MYH13: variants seen among roughly 807,000 people sequenced by gnomAD.
MYH13 encodes the protein myosin-13.
A neutral mutation model predicts 232.1 loss-of-function variants in MYH13; 177 were observed. The observed-to-expected ratio is 0.76, with a 90% CI of 0.67 to 0.86. The LOEUF (loss-of-function observed/expected upper bound fraction) is 0.86. MYH13 is among the 40% of genes least tolerant of loss of function. The pLI is 0.00. For synonymous variants in MYH13, 884 were observed against 923.5 expected (o/e 0.96, Z 0.78); for missense variants, 2,246 against 2,405.9 (o/e 0.93, Z 1.39).
Position 10,328,126 on chromosome 17 carries a change from A to G in MYH13, c.2436-5T>C, listed in dbSNP as rs753565869. 3.1e-6 allele frequency: 5 copies of G among 1,613,302 alleles called. No homozygotes were observed. In the East Asian group the frequency reaches 1.1e-4, roughly 36 times the overall value. On this transcript the variant is annotated splice_polypyrimidine_tract_variant and splice_region_variant and intron_variant, in intron 21 of 40. Transcript: ENST00000252172. ...TGGATGCAGAAGATGGAGTCCCTGTACACCCATTAGGACTCAAATTAATAA... is the reference window on the plus strand; with the variant it reads ...TGGATGCAGAAGATGGAGTCCCTGTGCACCCATTAGGACTCAAATTAATAA...
intron 2 of MYH13, among the ~76,000 whole-genome samples, chr17:10,366,135 C>G (rs975540672): frequency 3.9e-5 from 6 of 152,086 alleles, no homozygotes; most frequent in African/African-American, 1.4e-4. Context: ...TCACTCCTGT[C>G]TAAGGTTCCC....
chr17:10,347,331 C>CT (rs1250857525), intron 12 of MYH13, among the ~76,000 whole-genome samples: 5 of 152,116 alleles, frequency 3.3e-5, no homozygotes, highest in Admixed American at 2.6e-4. Flanking sequence ...TGCCATTGAA[C>CT]TCCAGCCTGG....
chr17:10,328,589 GGAGAAACC>G (rs1405933370), intron 21 of MYH13, among the ~76,000 whole-genome samples: 1 of 152,024 alleles, frequency 6.6e-6, no homozygotes, highest in Non-Finnish European at 1.5e-5. Context: ...TCTTCCTGCT[GGAGAAACC>G]CAGGACTTGT....
intron 8 of MYH13, among the ~76,000 whole-genome samples, chr17:10,355,556 G>T (rs2071742718): frequency 6.6e-6 from 1 of 152,130 alleles, no homozygotes; most frequent in Non-Finnish European, 1.5e-5. Flanking sequence ...CCTCTCCTTG[G>T]CTCAGAAGGA....
At position 10,306,480 on chromosome 17, in the gene MYH13, C is replaced by A; in HGVS notation, c.5445G>T (p.Gln1815His). The change falls in exon 37 of 41, where the codon CAG becomes CAT. Residue 1815 changes from glutamine (Q) to histidine (H), a missense_variant. Physicochemically the swap from Gln to His is conservative, Grantham distance 24. Coordinates refer to ENST00000252172, the MANE Select transcript of MYH13 (RefSeq NM_003802.3). This position sits in a 1 kb window ranked among gnomAD's most constrained non-coding sequence, Gnocchi z 4.3. The stretch of plus-strand genomic sequence containing the variant: ...CTACCCGGTTCTCCAGTTTCTGGAT[C>A]TGCTTCTTCCCGCCCTTCAGCGCCA... ...EQLALKGGKK[Q>H]IQKLENRVRE... The A allele has an allele frequency of 1.2e-6, 2 of 1,614,136 alleles. No homozygotes were observed. The highest frequency in any genetic ancestry group is 1.7e-6 in the Non-Finnish European group (2 of 1,180,020).
chr17:10,317,862 T>G (rs1285934178), intron 27 of MYH13: 1 of 152,232 alleles, frequency 6.6e-6, no homozygotes, highest in Non-Finnish European at 1.5e-5. Flanking sequence ...AACTTGAGTC[T>G]TCAAGGTAAC....
intron 30 of MYH13, 139 bp downstream of exon 30, chr17:10,313,019 G>C: frequency 1.5e-6 from 2 of 1,365,852 alleles, no homozygotes; most frequent in Non-Finnish European, 2.0e-6. Flanking sequence ...GAGACCCCCA[G>C]AGGGTGGGGG....
At chr17:10,319,519 AAG>A (rs200293969) in intron 26 of MYH13, among the ~76,000 whole-genome samples, 1,246 of 119,892 alleles carry the variant, frequency 0.01, 31 homozygotes, top group Admixed American at 0.037. Context: ...AAAAAAAAAA[AAG>A]AAGAATACAT....
rs2071609002 is a variant in MYH13 at position 10,340,048 on chromosome 17, T to C, written c.2056+102A>G. 9.1e-6 allele frequency: 9 copies of C among 993,958 alleles called. No homozygotes were observed. In the East Asian group the frequency reaches 2.4e-4, roughly 26 times the overall value. 61.6% of individuals were successfully genotyped at this position (993,958 alleles called of 1,614,324 possible). A position where few individuals can be genotyped will look rare whatever the true frequency, so the allele number is the denominator to read the frequency against. On this transcript the variant is annotated intron_variant, in intron 18 of 40. Transcript: ENST00000252172. Reference sequence around the variant, plus strand: ...TTTCAGAGACTACTTTCAGAAGTGATACAGACCATCACTCTTTCCAAACGC... The same window carrying C: ...TTTCAGAGACTACTTTCAGAAGTGACACAGACCATCACTCTTTCCAAACGC...
rs111895847 is a variant in MYH13, at chr17:10,319,401, C to T, written c.3349-222G>A. ...GCGGGCGCCTGTAGTCCCAGCTACTCGGGAGGCCGAGGCAGGAGAATAGCT... is the reference window on the plus strand; with the variant it reads ...GCGGGCGCCTGTAGTCCCAGCTACTTGGGAGGCCGAGGCAGGAGAATAGCT... On this transcript the variant is annotated intron_variant, in intron 26 of 40. Coordinates refer to ENST00000252172, the MANE Select transcript of MYH13 (RefSeq NM_003802.3). Among the ~76,000 whole-genome samples, 20,143 of 151,164 alleles carry T rather than the reference C, an allele frequency of 0.13. 1,607 individuals are homozygous for T. The highest frequency in any genetic ancestry group is 0.31 in the East Asian group (1,594 of 5,086).
At chr17:10,322,782 C>CT (rs1431917822) in intron 23 of MYH13, among the ~76,000 whole-genome samples, 2 of 151,922 alleles carry the variant, frequency 1.3e-5, no homozygotes, top group African/African-American at 4.8e-5. Context: ...TACAGGCGTC[C>CT]GCCACCACGC....
intron 8 of MYH13, 25 bp downstream of exon 8, chr17:10,357,710 A>T: frequency 6.2e-7 from 1 of 1,602,888 alleles, no homozygotes; most frequent in Non-Finnish European, 8.5e-7. Context: ...TTGGGAGGAT[A>T]CTTGAAAATT....
intron 7 of MYH13, among the ~76,000 whole-genome samples, chr17:10,358,099 A>C (rs1038873013): frequency 3.9e-5 from 6 of 152,180 alleles, no homozygotes; most frequent in African/African-American, 1.4e-4. Flanking sequence ...CCATCAGAAC[A>C]TCCAGACTGC....
At chr17:10,353,679 A>G (rs895946008) in intron 11 of MYH13, among the ~76,000 whole-genome samples, 1 of 152,124 alleles carries the variant, frequency 6.6e-6, no homozygotes, top group Non-Finnish European at 1.5e-5. Context: ...AGCCTGGCCA[A>G]CATGGCGAAA....
At chr17:10,365,425 G>T (rs1232661399) in intron 2 of MYH13, among the ~76,000 whole-genome samples, 1 of 152,182 alleles carries the variant, frequency 6.6e-6, no homozygotes, top group African/African-American at 2.4e-5. Flanking sequence ...CCCCTTGAGG[G>T]GTTGTTAAAG....
At chr17:10,349,228 G>A (rs1443536754) in intron 12 of MYH13, among the ~76,000 whole-genome samples, 1 of 152,010 alleles carries the variant, frequency 6.6e-6, no homozygotes, top group Non-Finnish European at 1.5e-5. Context: ...TCAGTCTCCC[G>A]AGTAGCTGGG....
In MYH13 at chr17:10,351,177, T is replaced by C. The variant is rs182938125; in HGVS notation, c.1006-483A>G. 4.6e-3 allele frequency among the ~76,000 whole-genome samples: 613 copies of C among 132,148 alleles called. 11 individuals carry two copies. The highest frequency in any genetic ancestry group is 0.016 in the African/African-American group (593 of 36,520). The allele number at this position is 132,148 out of a possible 152,430, so 86.7% of individuals were successfully genotyped here. A position where few individuals can be genotyped will look rare whatever the true frequency, so the allele number is the denominator to read the frequency against. On this transcript the variant is annotated intron_variant, in intron 11 of 40. Coordinates refer to ENST00000252172, the MANE Select transcript of MYH13 (RefSeq NM_003802.3). The stretch of plus-strand genomic sequence containing the variant: ...CGGAGGTTGGAGTGAGCCAAGATTG[T>C]ACCATTGCACTCCAGCCTGGGAGAC...
chr17:10,309,390 G>C lies in MYH13; in HGVS notation c.5013C>G (p.Leu1671=), dbSNP rs201795570. ...GCTCCACGATGGCCAGCTGCTCCTT[G>C]AGGTCCTCATTGCTCCTCAGGGCGT... The part of the protein sequence containing the change: ...LDDALRSNED[L]KEQLAIVERR... Residue 1671 remains leucine (L), a synonymous_variant, in exon 35 of 41, where the codon CTC becomes CTG. Coordinates refer to ENST00000252172, the MANE Select transcript of MYH13 (RefSeq NM_003802.3). 139 of 1,611,162 alleles carry C rather than the reference G, an allele frequency of 8.6e-5. No homozygotes were observed. The highest frequency in any genetic ancestry group is 1.7e-4 in the Admixed American group (10 of 59,632).
intron 18 of MYH13, among the ~76,000 whole-genome samples, chr17:10,336,012 C>T (rs10083849): frequency 0.11 from 16,837 of 152,048 alleles, 1,501 homozygotes; most frequent in East Asian, 0.47. Context: ...GGGTCGTGTC[C>T]GACTTGGACT....
Sources: gnomAD v4.1 joint callset for allele counts (sites outside exome capture counted in the v4.1 genomes callset) on GRCh38, gnomAD v4.1.1 for gene constraint, Gnocchi (gnomAD v3.1) non-coding constraint, MANE v1.5 for transcripts, NCBI Gene and HGNC (gene_info 2026-07-23, HGNC 2026-07-21) for gene names.